Variants in HEMK2 observed in about 807,000 individuals in gnomAD.
HEMK2 encodes the protein methyltransferase HEMK2.
At chr21:28,686,256 T>A in the HEMK2 span, among the ~76,000 whole-genome samples, 1 of 152,080 alleles carries the variant, frequency 6.6e-6, no homozygotes, top group East Asian at 1.9e-4. Flanking sequence ...TTTTTTGAGA[T>A]GGCGTTGTGC....
the HEMK2 span, among the ~76,000 whole-genome samples, chr21:28,831,515 GAAA>G: frequency 2.7e-4 from 25 of 91,212 alleles, no homozygotes; most frequent in East Asian, 2.7e-3. Context: ...AAGAAAGAAA[GAAA>G]GAAAGAAGGA....
the HEMK2 span, among the ~76,000 whole-genome samples, chr21:28,828,839 A>G: frequency 2.0e-5 from 3 of 152,162 alleles, no homozygotes; most frequent in Non-Finnish European, 4.4e-5. Flanking sequence ...TTTTTAATTC[A>G]TTAAGCCTTA....
chr21:28,655,333 C>A, the HEMK2 span, among the ~76,000 whole-genome samples: 1 of 151,812 alleles, frequency 6.6e-6, no homozygotes, highest in African/African-American at 2.4e-5. Flanking sequence ...TGGTTAGCTG[C>A]CTGAGGTAAT....
chr21:28,802,558 T>C, the HEMK2 span, among the ~76,000 whole-genome samples: 2 of 151,776 alleles, frequency 1.3e-5, no homozygotes, highest in African/African-American at 4.8e-5. Flanking sequence ...TGAAACCCCG[T>C]CTCTACTAAA....
chr21:28,727,045 C>G, the HEMK2 span, among the ~76,000 whole-genome samples: 1 of 151,702 alleles, frequency 6.6e-6, no homozygotes, highest in African/African-American at 2.4e-5. Context: ...TCCACCATAG[C>G]AAGATAAGGA....
chr21:28,790,552 G>A, the HEMK2 span, among the ~76,000 whole-genome samples: 1 of 151,922 alleles, frequency 6.6e-6, no homozygotes, highest in Non-Finnish European at 1.5e-5. Context: ...AATACCCCAG[G>A]GCTGGTGTGA....
the HEMK2 span, among the ~76,000 whole-genome samples, chr21:28,656,130 C>G: frequency 6.6e-6 from 1 of 151,958 alleles, no homozygotes; most frequent in East Asian, 1.9e-4. Flanking sequence ...ATAGAGGATG[C>G]AGCAATGAAG....
At chr21:28,689,532 G>A in the HEMK2 span, among the ~76,000 whole-genome samples, 1 of 151,972 alleles carries the variant, frequency 6.6e-6, no homozygotes, top group Non-Finnish European at 1.5e-5. Context: ...TATTATTTGT[G>A]AAATAAAATA....
At chr21:28,628,520 C>T in the HEMK2 span, among the ~76,000 whole-genome samples, 45 of 152,286 alleles carry the variant, frequency 3.0e-4, 1 homozygote, top group Middle Eastern at 6.8e-3. Flanking sequence ...GGCACGATCT[C>T]GGCTCACTGC....
the HEMK2 span, among the ~76,000 whole-genome samples, chr21:28,663,143 T>C: frequency 6.6e-6 from 1 of 152,210 alleles, no homozygotes; most frequent in South Asian, 2.1e-4. Context: ...TCTACCATGC[T>C]GTTTTCATAT....
At chr21:28,579,730 T>G in the HEMK2 span, among the ~76,000 whole-genome samples, 1 of 152,340 alleles carries the variant, frequency 6.6e-6, no homozygotes, top group Non-Finnish European at 1.5e-5. Flanking sequence ...GTTAGTCTGA[T>G]TTAACACCAA....
the HEMK2 span, among the ~76,000 whole-genome samples, chr21:28,697,010 A>ATT: frequency 2.0e-5 from 3 of 151,334 alleles, no homozygotes; most frequent in East Asian, 2.0e-4. Context: ...CAAGGAAAAC[A>ATT]TTTTTTTTTC....
At chr21:28,885,323 G>A in the HEMK2 span, 4 of 1,583,488 alleles carry the variant, frequency 2.5e-6, no homozygotes, top group Non-Finnish European at 2.6e-6. Context: ...GTGGAACGGC[G>A]TAGCGAAGTT....
At chr21:28,650,255 C>T in the HEMK2 span, among the ~76,000 whole-genome samples, 171 of 152,116 alleles carry the variant, frequency 1.1e-3, 1 homozygote, top group Non-Finnish European at 2.0e-3. Flanking sequence ...ATTAGCTGGG[C>T]GTGGTGGCAG....
At chr21:28,586,220 A>C in the HEMK2 span, among the ~76,000 whole-genome samples, 2 of 152,256 alleles carry the variant, frequency 1.3e-5, no homozygotes, top group African/African-American at 4.8e-5. Flanking sequence ...AACATTATGC[A>C]TATGTTTGTG....
chr21:28,828,384 T>C, the HEMK2 span, among the ~76,000 whole-genome samples: 6,938 of 152,224 alleles, frequency 0.046, 220 homozygotes, highest in East Asian at 0.16. Flanking sequence ...TAAAGTGACC[T>C]TGAAGCCCTC....
the HEMK2 span, among the ~76,000 whole-genome samples, chr21:28,620,191 C>G: frequency 6.6e-6 from 1 of 152,060 alleles, no homozygotes; most frequent in Admixed American, 6.6e-5. Context: ...TGAGGATTTT[C>G]GCATCGATGT....
At chr21:28,595,376 C>T in the HEMK2 span, among the ~76,000 whole-genome samples, 1 of 151,834 alleles carries the variant, frequency 6.6e-6, no homozygotes, top group Non-Finnish European at 1.5e-5. Flanking sequence ...CACTCTCTAT[C>T]TTCATGGGTT....
the HEMK2 span, chr21:28,883,162 T>A: frequency 3.8e-6 from 3 of 797,606 alleles, no homozygotes; most frequent in East Asian, 8.9e-5. Context: ...AGCATATATA[T>A]TTCTCTAGCA....
Sources: allele counts gnomAD v4.1 joint callset (sites outside exome capture counted in the v4.1 genomes callset), GRCh38; gene constraint gnomAD v4.1.1; transcripts MANE v1.5; gene names NCBI Gene and HGNC (gene_info 2026-07-23, HGNC 2026-07-21).